AGPAT4: variants seen among roughly 807,000 people sequenced by gnomAD.
AGPAT4 encodes 1-acyl-sn-glycerol-3-phosphate acyltransferase delta.
Under a neutral mutation model 48.0 loss-of-function variants are expected in AGPAT4, and 15 were observed. That is an observed-to-expected ratio of 0.31 (90% CI 0.21 to 0.48). The LOEUF is 0.48. Among genes scored for constraint, AGPAT4 ranks in the 20% least tolerant of loss-of-function variants. The pLI, the probability that AGPAT4 is intolerant of heterozygous loss-of-function variation, is 0.99. For missense variants in AGPAT4, 314 were observed against 482.5 expected (o/e 0.65, Z 3.27); for synonymous variants, 178 against 198.7 (o/e 0.90, Z 0.88).
intron 3 of AGPAT4, among the ~76,000 whole-genome samples, chr6:161,157,835 T>C (rs1336715531): frequency 6.6e-6 from 1 of 152,210 alleles, no homozygotes; most frequent in African/African-American, 2.4e-5. Context: ...ACAGTCCTGT[T>C]TCTAACCAGG....
In AGPAT4 at chr6:161,198,659, G is replaced by A. The variant is rs534068795; in HGVS notation, c.179-32242C>T. Among the ~76,000 whole-genome samples the A allele has an allele frequency of 2.6e-5, 4 of 152,256 alleles. No homozygotes were observed. Among genetic ancestry groups the A allele is most frequent in the Admixed American group, 6.5e-5 (1 of 15,294 alleles). On this transcript the variant is annotated intron_variant, in intron 2 of 8. Coordinates refer to ENST00000320285, the MANE Select transcript of AGPAT4 (RefSeq NM_020133.3). This position sits in a 1 kb window ranked among gnomAD's most constrained non-coding sequence, Gnocchi z 4.3. The stretch of plus-strand genomic sequence containing the variant: ...CATGCTATTTAACCTGCTGTGCCTC[G>A]GTTTCCTCATCTGTCATGGTTGTTA...
chr6:161,189,626 A>C lies in AGPAT4; in HGVS notation c.179-23209T>G, dbSNP rs1780865786. On this transcript the variant is annotated intron_variant, in intron 2 of 8. Transcript: ENST00000320285. The surrounding 1 kb of genome is among the most constrained non-coding windows in gnomAD (Gnocchi z 5.3). Reference sequence around the variant, plus strand: ...GTACGGACTTCTGTCTGTGCTGTACACTTGCACACGGCAGATCCAGGCCAG... The same window carrying C: ...GTACGGACTTCTGTCTGTGCTGTACCCTTGCACACGGCAGATCCAGGCCAG... Among the ~76,000 whole-genome samples the C allele has an allele frequency of 6.6e-6, 1 of 151,884 alleles. No homozygotes were observed. Among genetic ancestry groups the C allele is most frequent in the African/African-American group, 2.4e-5 (1 of 41,346 alleles).
Position 161,159,652 on chromosome 6 carries a change from CT to C in AGPAT4, c.349-5343del, listed in dbSNP as rs962081478. ...ATCAAAAGGTGAGAGACTCCATTCTCTTTTTTTTGAGACGAAGTTTCACTCT... is the reference window on the plus strand; with the variant it reads ...ATCAAAAGGTGAGAGACTCCATTCTCTTTTTTTGAGACGAAGTTTCACTCT... On this transcript the variant is annotated intron_variant, in intron 3 of 8. Coordinates refer to ENST00000320285, the MANE Select transcript of AGPAT4 (RefSeq NM_020133.3). This position sits in a 1 kb window ranked among gnomAD's most constrained non-coding sequence, Gnocchi z 4.1. Among the ~76,000 whole-genome samples the C allele has an allele frequency of 6.1e-4, 92 of 152,060 alleles. No individual in the cohort carries two copies. The highest frequency in any genetic ancestry group is 1.1e-3 in the Non-Finnish European group (77 of 67,966).
chr6:161,158,496 GAA>G lies in AGPAT4; in HGVS notation c.349-4188_349-4187del, dbSNP rs1490072112. On this transcript the variant is annotated intron_variant, in intron 3 of 8. Coordinates refer to ENST00000320285, the MANE Select transcript of AGPAT4 (RefSeq NM_020133.3). This position sits in a 1 kb window ranked among gnomAD's most constrained non-coding sequence, Gnocchi z 5.3. Reference sequence around the variant, plus strand: ...GTAAACCACTATGGAGAGAGAGAGTGAAAGAGAGAGTTGTCTTAGGGCAGGTG... The same window carrying G: ...GTAAACCACTATGGAGAGAGAGAGTGAGAGAGAGTTGTCTTAGGGCAGGTG... Among the ~76,000 whole-genome samples, 3 of 152,186 alleles carry G rather than the reference GAA, an allele frequency of 2.0e-5. No homozygotes were observed. The highest frequency in any genetic ancestry group is 7.2e-5 in the African/African-American group (3 of 41,450).
At position 161,178,204 on chromosome 6, in the gene AGPAT4, A is replaced by C. The variant is rs1780478599; in HGVS notation, c.179-11787T>G. Among the ~76,000 whole-genome samples, 1 of 152,146 alleles carries C rather than the reference A, an allele frequency of 6.6e-6. No individual in the cohort carries two copies. The highest frequency in any genetic ancestry group is 1.5e-5 in the Non-Finnish European group (1 of 67,998). On this transcript the variant is annotated intron_variant, in intron 2 of 8. Coordinates refer to ENST00000320285, the MANE Select transcript of AGPAT4 (RefSeq NM_020133.3). The surrounding 1 kb of genome is among the most constrained non-coding windows in gnomAD (Gnocchi z 5.1). Reference sequence around the variant, plus strand: ...GTCAGACAGGGACCTTTAAGTCTGCAGAAGTTTCTGCTGCCCTGCCCCCAG... The same window carrying C: ...GTCAGACAGGGACCTTTAAGTCTGCCGAAGTTTCTGCTGCCCTGCCCCCAG...
Position 161,216,344 on chromosome 6 carries a change from G to A in AGPAT4, c.178+15692C>T, listed in dbSNP as rs908197413. ...CAGTCTCTTCTGTCCTCAAGCAAAC[G>A]TCTGCAACAAGTGCGTCTCTTGTCC... On this transcript the variant is annotated intron_variant, in intron 2 of 8. Coordinates refer to ENST00000320285, the MANE Select transcript of AGPAT4 (RefSeq NM_020133.3). This position sits in a 1 kb window ranked among gnomAD's most constrained non-coding sequence, Gnocchi z 4.8. Among the ~76,000 whole-genome samples the A allele has an allele frequency of 6.6e-6, 1 of 152,164 alleles. No homozygotes were observed. Among genetic ancestry groups the A allele is most frequent in the African/African-American group, 2.4e-5 (1 of 41,450 alleles).
chr6:161,185,283 C>CTTTTTTTTTTTTTTTTTT, intron 2 of AGPAT4, among the ~76,000 whole-genome samples: 1 of 109,286 alleles, frequency 9.2e-6, no homozygotes, highest in Non-Finnish European at 1.9e-5. Flanking sequence ...TTTAAGATGT[C>CTTTTTTTTTTTTTTTTTT]TTTTTTTTTT....
Position 161,206,226 on chromosome 6 carries a change from G to T in AGPAT4, c.178+25810C>A, listed in dbSNP as rs986508006. Among the ~76,000 whole-genome samples, 1 of 152,146 alleles carries T rather than the reference G, an allele frequency of 6.6e-6. No homozygotes were observed. The highest frequency in any genetic ancestry group is 1.5e-5 in the Non-Finnish European group (1 of 68,026). Reference sequence around the variant, plus strand: ...CCTACCCCAACCCCCCATCAGCAAAGGTTGGGGTGGGGGGCTGTAATTTCA... The same window carrying T: ...CCTACCCCAACCCCCCATCAGCAAATGTTGGGGTGGGGGGCTGTAATTTCA... On this transcript the variant is annotated intron_variant, in intron 2 of 8. Coordinates refer to ENST00000320285, the MANE Select transcript of AGPAT4 (RefSeq NM_020133.3). The surrounding 1 kb of genome is among the most constrained non-coding windows in gnomAD (Gnocchi z 4.8).
intron 2 of AGPAT4, among the ~76,000 whole-genome samples, chr6:161,179,585 A>G (rs1780529433): frequency 6.6e-6 from 1 of 152,176 alleles, no homozygotes; most frequent in Non-Finnish European, 1.5e-5. Context: ...CCTTTGAACA[A>G]CATGGGCTCA....
chr6:161,197,742 A>C lies in AGPAT4; in HGVS notation c.179-31325T>G, dbSNP rs1451727510. ...AGCCTGGGAAGGAGACCACTGGCCT[A>C]GCCCCAGGGAGGTCACCCACAGAGG... On this transcript the variant is annotated intron_variant, in intron 2 of 8. Transcript: ENST00000320285. This position sits in a 1 kb window ranked among gnomAD's most constrained non-coding sequence, Gnocchi z 5.7. 1.3e-5 allele frequency among the ~76,000 whole-genome samples: 2 copies of C among 152,218 alleles called. No homozygotes were observed. The highest frequency in any genetic ancestry group is 2.9e-5 in the Non-Finnish European group (2 of 68,036).
chr6:161,162,916 G>T (rs887608510), intron 3 of AGPAT4, among the ~76,000 whole-genome samples: 2 of 152,222 alleles, frequency 1.3e-5, no homozygotes, highest in Non-Finnish European at 2.9e-5. Context: ...ACCACGGTTT[G>T]TTGGGCACCT....
chr6:161,179,926 G>T (rs943889064), intron 2 of AGPAT4, among the ~76,000 whole-genome samples: 1 of 152,174 alleles, frequency 6.6e-6, no homozygotes, highest in Non-Finnish European at 1.5e-5. Context: ...GGAGTCAAAA[G>T]TTACATGTGG....
chr6:161,170,834 G>C (rs1028021656), intron 2 of AGPAT4, among the ~76,000 whole-genome samples: 1 of 152,156 alleles, frequency 6.6e-6, no homozygotes, highest in East Asian at 1.9e-4. Flanking sequence ...TAACTGCTCA[G>C]GGCTCAGGGC....
At chr6:161,187,827 A>G (rs772879210) in intron 2 of AGPAT4, among the ~76,000 whole-genome samples, 23 of 152,206 alleles carry the variant, frequency 1.5e-4, no homozygotes, top group Non-Finnish European at 2.1e-4. Context: ...TACAGGCGTG[A>G]GCCACCGTGC....
intron 2 of AGPAT4, among the ~76,000 whole-genome samples, chr6:161,230,139 G>C (rs1782085802): frequency 6.6e-6 from 1 of 152,114 alleles, no homozygotes; most frequent in Admixed American, 6.5e-5. Context: ...AATGCATCCT[G>C]AGAAAAATAT....
chr6:161,169,262 GA>G lies in AGPAT4; in HGVS notation c.179-2846del, dbSNP rs138372832. 4.6e-5 allele frequency among the ~76,000 whole-genome samples: 7 copies of G among 150,916 alleles called. No homozygotes were observed. In the South Asian group the frequency reaches 8.4e-4, roughly 18 times the overall value. On this transcript the variant is annotated intron_variant, in intron 2 of 8. Coordinates refer to ENST00000320285, the MANE Select transcript of AGPAT4 (RefSeq NM_020133.3). This position sits in a 1 kb window ranked among gnomAD's most constrained non-coding sequence, Gnocchi z 5.0. Reference sequence around the variant, plus strand: ...ACACACCAACATCCAATTTGCATCTGAAAAAAAAATCACTCTGATTGAAACA... The same window carrying G: ...ACACACCAACATCCAATTTGCATCTGAAAAAAAATCACTCTGATTGAAACA...
chr6:161,157,848 C>T (rs957355228), intron 3 of AGPAT4, among the ~76,000 whole-genome samples: 11 of 152,198 alleles, frequency 7.2e-5, no homozygotes, highest in Admixed American at 2.6e-4. Context: ...TAACCAGGCT[C>T]TACCACGACC....
At position 161,130,719 on chromosome 6, in the gene AGPAT4, C is replaced by T; in HGVS notation, c.*5821G>A. ...TGGGCCAGCCTTGCTGTGTTTGCCT[C>T]AGATGCGAGTAAGGAAGCTCCAGTT... On this transcript the variant is annotated 3_prime_UTR_variant, in exon 9 of 9. Transcript: ENST00000320285. The T allele has an allele frequency of 2.6e-6, 1 of 391,524 alleles. No homozygotes were observed. Among genetic ancestry groups the T allele is most frequent in the South Asian group, 2.0e-5 (1 of 50,388 alleles). The allele number at this position is 391,524 out of a possible 1,614,324, so 24.3% of individuals were successfully genotyped here. A position where few individuals can be genotyped will look rare whatever the true frequency, so the allele number is the denominator to read the frequency against.
chr6:161,168,593 C>T (rs897346212), intron 2 of AGPAT4, among the ~76,000 whole-genome samples: 19 of 152,046 alleles, frequency 1.2e-4, no homozygotes, highest in African/African-American at 4.1e-4. Context: ...CAAGACTCAG[C>T]AAGAGCCTGG....
Sources: allele counts gnomAD v4.1 joint callset (sites outside exome capture counted in the v4.1 genomes callset), GRCh38; gene constraint gnomAD v4.1.1; non-coding constraint Gnocchi (gnomAD v3.1); transcripts MANE v1.5; gene names NCBI Gene and HGNC (gene_info 2026-07-23, HGNC 2026-07-21).